The following PRKACB variants were observed in gnomAD, a reference collection of about 807,000 sequenced individuals.
PRKACB encodes the protein protein kinase cAMP-activated catalytic subunit beta, also known as cAMP-dependent protein kinase catalytic subunit beta.
In PRKACB, 16 loss-of-function variants were observed where a neutral mutation model predicts 51.4. The ratio of observed to expected loss-of-function variants is 0.31; its 90% CI spans 0.21 to 0.47. The LOEUF is 0.47. Ranked by LOEUF, PRKACB falls within the 20% of genes least tolerant of loss-of-function variation. The probability of loss-of-function intolerance (pLI) is 1.00; values close to 1 mark genes in which losing one functional copy is unlikely to be tolerated. For synonymous variants in PRKACB, 147 were observed against 154.4 expected (o/e 0.95, Z 0.35); for missense variants, 309 against 464.5 (o/e 0.67, Z 3.08).
intron 1 of PRKACB, among the ~76,000 whole-genome samples, chr1:84,158,784 A>G (rs972393820): frequency 2.0e-5 from 3 of 152,138 alleles, no homozygotes; most frequent in Non-Finnish European, 4.4e-5. Flanking sequence ...ACTTCCTTCT[A>G]AAAGTCTATT....
At chr1:84,099,593 T>G (rs1649181111) in intron 1 of PRKACB, among the ~76,000 whole-genome samples, 1 of 152,026 alleles carries the variant, frequency 6.6e-6, no homozygotes, top group African/African-American at 2.4e-5. Flanking sequence ...ATTTAGGAGC[T>G]AGCTACTTAG....
intron 1 of PRKACB, among the ~76,000 whole-genome samples, chr1:84,157,711 G>A (rs879403342): frequency 1.3e-5 from 2 of 151,988 alleles, no homozygotes; most frequent in African/African-American, 2.4e-5. Context: ...GTTCATCCAT[G>A]TTATAGAATA....
At chr1:84,116,317 G>A (rs969222064) in intron 1 of PRKACB, among the ~76,000 whole-genome samples, 1 of 151,976 alleles carries the variant, frequency 6.6e-6, no homozygotes, top group Non-Finnish European at 1.5e-5. Context: ...GAGTTGCTTT[G>A]GCTATTTGGG....
rs1245530243 is a variant in PRKACB at position 84,081,560 on chromosome 1, CAT to C, written c.46+3191_46+3192del. 9.5e-4 allele frequency among the ~76,000 whole-genome samples: 144 copies of C among 152,198 alleles called. 3 individuals carry two copies. Among genetic ancestry groups the C allele is most frequent in the Non-Finnish European group, 2.9e-5 (2 of 67,974 alleles). On this transcript the variant is annotated intron_variant, in intron 1 of 8. Transcript: ENST00000370688. ...TTAAACGTCAGCTAATACAGAGAAACATAAACTTTTAGAAATATGATAAAATT... is the reference window on the plus strand; with the variant it reads ...TTAAACGTCAGCTAATACAGAGAAACAAACTTTTAGAAATATGATAAAATT...
chr1:84,106,487 G>A (rs1311030041), intron 1 of PRKACB, among the ~76,000 whole-genome samples: 1 of 152,106 alleles, frequency 6.6e-6, no homozygotes, highest in Non-Finnish European at 1.5e-5. Flanking sequence ...GCCGAATCAG[G>A]AATATAATCT....
At chr1:84,213,236 A>G (rs1460997875) in intron 8 of PRKACB, among the ~76,000 whole-genome samples, 1 of 152,144 alleles carries the variant, frequency 6.6e-6, no homozygotes, top group African/African-American at 2.4e-5. Flanking sequence ...GCTGGAAAGG[A>G]TAGTGGAGAG....
intron 1 of PRKACB, among the ~76,000 whole-genome samples, chr1:84,113,976 T>C (rs1311156647): frequency 6.6e-6 from 1 of 152,194 alleles, no homozygotes; most frequent in African/African-American, 2.4e-5. Flanking sequence ...TGGCGAAATT[T>C]GTGGTACATA....
At position 84,196,620 on chromosome 1, in the gene PRKACB, C is replaced by T. The variant is rs1668312349; in HGVS notation, c.565C>T (p.Pro189Ser). 6.2e-7 allele frequency: 1 copy of T among 1,610,914 alleles called. No individual in the cohort carries two copies. The highest frequency in any genetic ancestry group is 1.1e-5 in the South Asian group (1 of 90,386). Residue 189 changes from proline (P) to serine (S), a missense_variant, in exon 6 of 10, where the codon CCC becomes TCC. Coordinates refer to ENST00000370685, the MANE Select transcript of PRKACB (RefSeq NM_182948.4). Reference sequence around the variant, plus strand: ...AATGGTTTTATTTCTTTGCAGTGAGCCCCATGCACGGTTCTATGCAGCTCA... The same window carrying T: ...AATGGTTTTATTTCTTTGCAGTGAGTCCCATGCACGGTTCTATGCAGCTCA... Reference protein sequence around the residue: ...HLRRIGRFSEPHARFYAAQIV... With the variant: ...HLRRIGRFSESHARFYAAQIV...
At chr1:84,131,344 C>CAAA (rs57331999) in intron 1 of PRKACB, among the ~76,000 whole-genome samples, 4 of 146,436 alleles carry the variant, frequency 2.7e-5, no homozygotes, top group African/African-American at 5.0e-5. Flanking sequence ...AACTCCATCT[C>CAAA]AAAAAAAAAA....
At position 84,170,587 on chromosome 1, in the gene PRKACB, C is replaced by T. The variant is rs143259896; in HGVS notation, c.188-8590C>T. Among the ~76,000 whole-genome samples the T allele has an allele frequency of 9.9e-5, 15 of 151,752 alleles. No individual in the cohort carries two copies. The East Asian group carries it at 2.3e-3, about 24-fold the overall frequency. ...AAAATCCTATACTGGGACACATTCT[C>T]AGACCAAGACCTGCAGGTTTCTCGC... On this transcript the variant is annotated intron_variant, in intron 1 of 9. Transcript: ENST00000370685.
At chr1:84,166,881 A>G (rs755379771) in intron 1 of PRKACB, among the ~76,000 whole-genome samples, 28 of 151,576 alleles carry the variant, frequency 1.8e-4, no homozygotes, top group Middle Eastern at 3.2e-3. Flanking sequence ...ATCCATGCCT[A>G]CATCTTCAGT....
chr1:84,087,778 A>G (rs1390692641), intron 1 of PRKACB, among the ~76,000 whole-genome samples: 2 of 152,134 alleles, frequency 1.3e-5, no homozygotes, highest in East Asian at 3.8e-4. Flanking sequence ...TGCTAATACT[A>G]AGGTTTACTA....
At chr1:84,178,304 T>C (rs1038036566) in intron 1 of PRKACB, among the ~76,000 whole-genome samples, 1 of 152,074 alleles carries the variant, frequency 6.6e-6, no homozygotes, top group African/African-American at 2.4e-5. Context: ...TACATTTTGT[T>C]AATGCTATTT....
chr1:84,089,987 A>G (rs2100767562), intron 1 of PRKACB, among the ~76,000 whole-genome samples: 1 of 152,330 alleles, frequency 6.6e-6, no homozygotes, highest in South Asian at 2.1e-4. Flanking sequence ...AATGTAACTC[A>G]TGATAAACTC....
Position 84,237,978 on chromosome 1 carries a change from G to A in PRKACB, c.*2673G>A, listed in dbSNP as rs892191337. ...GTCTTTTTATCTGATATTTTGAAGG[G>A]TATATTGCTTTGAAGTAAGTCTCAA... On this transcript the variant is annotated 3_prime_UTR_variant, in exon 10 of 10. Transcript: ENST00000370685. 6.6e-6 allele frequency: 1 copy of A among 152,082 alleles called. No individual in the cohort carries two copies. The highest frequency in any genetic ancestry group is 1.5e-5 in the Non-Finnish European group (1 of 67,974). The allele number at this position is 152,082 out of a possible 1,614,324, so 9.4% of individuals were successfully genotyped here. A position where few individuals can be genotyped will look rare whatever the true frequency, so the allele number is the denominator to read the frequency against.
chr1:84,192,902 A>G (rs144219292), intron 5 of PRKACB, among the ~76,000 whole-genome samples: 2,383 of 152,248 alleles, frequency 0.016, 61 homozygotes, highest in African/African-American at 0.054. Flanking sequence ...GTTTAATGCC[A>G]AATACGTAAG....
intron 1 of PRKACB, among the ~76,000 whole-genome samples, chr1:84,161,276 G>T (rs1656159807): frequency 6.6e-6 from 1 of 151,660 alleles, no homozygotes; most frequent in Non-Finnish European, 1.5e-5. Flanking sequence ...ATTGATATAG[G>T]CATTCCAGCT....
At position 84,078,428 on chromosome 1, in the gene PRKACB, C is replaced by G. The variant is rs560860766; in HGVS notation, c.46+57C>G. 3.2e-6 allele frequency: 5 copies of G among 1,584,756 alleles called. No individual in the cohort carries two copies. In the South Asian group the frequency reaches 4.6e-5, roughly 15 times the overall value. On this transcript the variant is annotated intron_variant, in intron 1 of 8. Transcript: ENST00000370688. ...GGGCGGGCCGGCGCGGGGCACCGAG[C>G]GCCCTCCGGGTCGCAGCTTCTGAGG...
intron 1 of PRKACB, among the ~76,000 whole-genome samples, chr1:84,171,120 T>G (rs12565896): frequency 0.49 from 74,113 of 151,244 alleles, 18,723 homozygotes; most frequent in Non-Finnish European, 0.56. Flanking sequence ...ACTTACCAAA[T>G]AATTAACTCG....
Sources: gnomAD v4.1 joint callset for allele counts (sites outside exome capture counted in the v4.1 genomes callset) on GRCh38, gnomAD v4.1.1 for gene constraint, MANE v1.5 for transcripts, NCBI Gene and HGNC (gene_info 2026-07-23, HGNC 2026-07-21) for gene names.